The following ARMC2 variants were observed in gnomAD, a reference collection of about 807,000 sequenced individuals.
ARMC2 encodes the protein armadillo repeat-containing protein 2.
A neutral mutation model predicts 90.3 loss-of-function variants in ARMC2; 67 were observed. The observed-to-expected ratio is 0.74, with a 90% CI of 0.61 to 0.91. The LOEUF is 0.91. ARMC2 is among the 40% of genes least tolerant of loss of function. The pLI is 0.00. For missense variants in ARMC2, 920 were observed against 1,030.9 expected (o/e 0.89, Z 1.47); for synonymous variants, 393 against 393.0 (o/e 1.00, Z 0.00).
chr6:108,952,965 C>A, intron 12 of ARMC2, 68 bp from the exon 13 acceptor site: 1 of 1,371,974 alleles, frequency 7.3e-7, no homozygotes, highest in Non-Finnish European at 9.9e-7. Context: ...AAATTAAATA[C>A]TATCTTCTTC....
intron 3 of ARMC2, among the ~76,000 whole-genome samples, chr6:108,860,471 C>G (rs145071342): frequency 0.012 from 1,787 of 151,722 alleles, 33 homozygotes; most frequent in African/African-American, 0.042. Flanking sequence ...GACCATCCTG[C>G]CTAACACGGT....
chr6:108,959,127 A>G (rs1777801522), intron 13 of ARMC2, among the ~76,000 whole-genome samples: 4 of 152,188 alleles, frequency 2.6e-5, no homozygotes, highest in Non-Finnish European at 5.9e-5. Context: ...TCTTTTTCCA[A>G]GTATCCATTA....
At chr6:108,875,531 A>G (rs1002030345) in intron 4 of ARMC2, among the ~76,000 whole-genome samples, 8 of 152,090 alleles carry the variant, frequency 5.3e-5, no homozygotes, top group African/African-American at 1.7e-4. Context: ...GCCTCACTCC[A>G]TAAAGGGTTT....
At chr6:108,909,024 C>T (rs1446208955) in intron 8 of ARMC2, among the ~76,000 whole-genome samples, 2 of 152,212 alleles carry the variant, frequency 1.3e-5, no homozygotes, top group Non-Finnish European at 2.9e-5. Context: ...GAGCCTAGAT[C>T]ATGCCCTTGC....
At chr6:108,905,380 T>C (rs1053651846) in intron 8 of ARMC2, among the ~76,000 whole-genome samples, 27 of 152,304 alleles carry the variant, frequency 1.8e-4, no homozygotes, top group Admixed American at 1.6e-3. Context: ...TTTTAAAAAT[T>C]GTGATATGTG....
chr6:109,015,139 T>C, the ARMC2 span, among the ~76,000 whole-genome samples: 3 of 152,188 alleles, frequency 2.0e-5, no homozygotes, highest in Non-Finnish European at 4.4e-5. Flanking sequence ...GTAAACATTT[T>C]TGAGGCTTAG....
the ARMC2 span, among the ~76,000 whole-genome samples, chr6:109,007,965 TTG>T: frequency 2.0e-5 from 3 of 152,124 alleles, no homozygotes. Context: ...TTTGAAAGAA[TTG>T]TGTTATTCTT....
chr6:108,882,540 C>T (rs893584342), intron 5 of ARMC2, among the ~76,000 whole-genome samples: 48 of 150,026 alleles, frequency 3.2e-4, no homozygotes, highest in Non-Finnish European at 2.8e-4. Flanking sequence ...GCTTACAGTA[C>T]GCAAAAAAGA....
chr6:108,928,800 T>G (rs937838889), intron 11 of ARMC2, among the ~76,000 whole-genome samples: 6 of 152,210 alleles, frequency 3.9e-5, no homozygotes, highest in Admixed American at 2.6e-4. Context: ...ATTATGCATT[T>G]CTGTTTCCTC....
downstream of ARMC2, among the ~76,000 whole-genome samples, chr6:108,977,363 G>T (rs373951637): frequency 7.2e-5 from 11 of 152,262 alleles, no homozygotes; most frequent in South Asian, 2.3e-3. Context: ...TGATCATGGT[G>T]GATAAGCTTT....
chr6:108,879,932 C>T (rs538809029), intron 5 of ARMC2: 2 of 470,770 alleles, frequency 4.2e-6, no homozygotes, highest in Admixed American at 2.4e-5. Context: ...TTCTAGCCCT[C>T]ACTGTAGATT....
At chr6:108,964,751 C>T (rs1462735706) in intron 16 of ARMC2, among the ~76,000 whole-genome samples, 2 of 151,540 alleles carry the variant, frequency 1.3e-5, no homozygotes, top group Non-Finnish European at 2.9e-5. Context: ...GATCGCGCGA[C>T]TGCACTTCAG....
At chr6:108,988,598 T>G in the ARMC2 span, 2 of 1,613,044 alleles carry the variant, frequency 1.2e-6, no homozygotes, top group South Asian at 2.2e-5. Context: ...TTTGGTAACC[T>G]TTTCAGGAGT....
chr6:108,947,830 A>G (rs1484626193), intron 12 of ARMC2, among the ~76,000 whole-genome samples: 1 of 79,232 alleles, frequency 1.3e-5, no homozygotes, highest in East Asian at 4.4e-4. Context: ...CTTCTTTAGG[A>G]AAAAAAAAAA....
intron 6 of ARMC2, among the ~76,000 whole-genome samples, chr6:108,895,375 T>C (rs947248008): frequency 6.6e-6 from 1 of 151,060 alleles, no homozygotes; most frequent in South Asian, 2.1e-4. Flanking sequence ...TCCCAACTAC[T>C]TGGGAGGCTG....
chr6:108,874,649 C>G (rs1776760471), intron 4 of ARMC2, among the ~76,000 whole-genome samples: 1 of 152,034 alleles, frequency 6.6e-6, no homozygotes, highest in South Asian at 2.1e-4. Context: ...CACCACATCC[C>G]CAAGAGGTGG....
At chr6:108,864,611 T>TTG (rs910885768) in intron 3 of ARMC2, among the ~76,000 whole-genome samples, 1 of 151,930 alleles carries the variant, frequency 6.6e-6, no homozygotes, top group Non-Finnish European at 1.5e-5. Context: ...GTGTGTGTGT[T>TTG]TGTGTGTGTG....
intron 3 of ARMC2, among the ~76,000 whole-genome samples, chr6:108,862,172 C>T (rs1387724273): frequency 7.9e-5 from 12 of 151,826 alleles, no homozygotes; most frequent in African/African-American, 2.7e-4. Flanking sequence ...GGTGAAACCC[C>T]GTCTCTACTA....
intron 13 of ARMC2, among the ~76,000 whole-genome samples, chr6:108,956,377 A>G (rs1777584483): frequency 6.6e-6 from 1 of 152,148 alleles, no homozygotes; most frequent in Non-Finnish European, 1.5e-5. Flanking sequence ...TTTGACTCAA[A>G]AGAAAGTGAT....
Sources: allele counts gnomAD v4.1 joint callset (sites outside exome capture counted in the v4.1 genomes callset), GRCh38; gene constraint gnomAD v4.1.1; transcripts MANE v1.5; gene names NCBI Gene and HGNC (gene_info 2026-07-23, HGNC 2026-07-21).